NPSR1: variants seen among roughly 807,000 people sequenced by gnomAD.
NPSR1 encodes neuropeptide S receptor.
NPSR1 carries 48 observed loss-of-function variants against 46.9 expected under a neutral mutation model. That is an observed-to-expected ratio of 1.02 (90% CI 0.81 to 1.30). The LOEUF is 1.30. NPSR1 is among the 50% of genes most tolerant of loss of function. The pLI is 0.00. For missense variants in NPSR1, 450 were observed against 449.5 expected (o/e 1.00, Z -0.01); for synonymous variants, 176 against 168.1 (o/e 1.05, Z -0.36).
intron 8 of NPSR1, among the ~76,000 whole-genome samples, chr7:34,873,898 C>G (rs1411217578): frequency 6.6e-6 from 1 of 151,650 alleles, no homozygotes. Context: ...GGCTCCTCAT[C>G]ATTCAACCTC....
chr7:34,663,093 G>GTATGTGT (rs1554301952), intron 1 of NPSR1, among the ~76,000 whole-genome samples: 1 of 112,324 alleles, frequency 8.9e-6, no homozygotes. Context: ...ATGTGTGTGT[G>GTATGTGT]GCGGGGGGGA....
chr7:34,831,866 A>T (rs1665286835), intron 5 of NPSR1, among the ~76,000 whole-genome samples: 1 of 152,230 alleles, frequency 6.6e-6, no homozygotes, highest in Non-Finnish European at 1.5e-5. Flanking sequence ...AAAAGTGGAA[A>T]AAGCACATTA....
At chr7:34,714,793 G>A (rs538290871) in intron 2 of NPSR1, among the ~76,000 whole-genome samples, 3 of 152,306 alleles carry the variant, frequency 2.0e-5, no homozygotes, top group African/African-American at 7.2e-5. Flanking sequence ...CCAGACTTAA[G>A]CTGTGCATTG....
downstream of NPSR1, among the ~76,000 whole-genome samples, chr7:34,853,678 C>A (rs183422342): frequency 8.8e-4 from 134 of 152,190 alleles, no homozygotes; most frequent in African/African-American, 3.1e-3. Flanking sequence ...TATTTTTACA[C>A]GGCCGGGCAT....
chr7:34,873,188 T>A (rs1314001540), intron 8 of NPSR1, among the ~76,000 whole-genome samples: 2 of 151,792 alleles, frequency 1.3e-5, no homozygotes, highest in Admixed American at 1.3e-4. Flanking sequence ...GACTTCAATA[T>A]CTCTATCAGC....
intron 2 of NPSR1, among the ~76,000 whole-genome samples, chr7:34,696,259 T>C (rs1338149083): frequency 3.3e-5 from 5 of 151,966 alleles, no homozygotes. Flanking sequence ...GGGAGCTAAA[T>C]ATCCATCCAT....
At chr7:34,739,440 T>C (rs1315675523) in intron 2 of NPSR1, among the ~76,000 whole-genome samples, 2 of 152,250 alleles carry the variant, frequency 1.3e-5, no homozygotes, top group African/African-American at 4.8e-5. Flanking sequence ...TCCTAGTGGC[T>C]GTGAAATGGT....
intron 3 of NPSR1, among the ~76,000 whole-genome samples, chr7:34,805,336 G>T (rs1788641475): frequency 1.3e-5 from 2 of 151,786 alleles, no homozygotes; most frequent in Non-Finnish European, 2.9e-5. Context: ...TCAACAAGTA[G>T]ATTGATGAAA....
At chr7:34,834,536 T>C (rs1790278449) in intron 6 of NPSR1, 76 bp downstream of exon 6, 3 of 1,002,964 alleles carry the variant, frequency 3.0e-6, no homozygotes, top group Non-Finnish European at 4.8e-6. Context: ...AAATGTGAGC[T>C]AGGGACTCCT....
chr7:34,830,404 CA>C (rs1790062604), intron 5 of NPSR1, among the ~76,000 whole-genome samples: 1 of 152,092 alleles, frequency 6.6e-6, no homozygotes, highest in African/African-American at 2.4e-5. Context: ...TCTTTCATTA[CA>C]AATGAGATTG....
chr7:34,768,271 C>CA (rs887510732), intron 2 of NPSR1: 2 of 152,022 alleles, frequency 1.3e-5, no homozygotes, highest in Non-Finnish European at 2.9e-5. Flanking sequence ...CTACATCTAG[C>CA]AAAAATACCT....
At chr7:34,794,084 G>T (rs1014859147) in intron 3 of NPSR1, among the ~76,000 whole-genome samples, 3 of 152,048 alleles carry the variant, frequency 2.0e-5, no homozygotes, top group East Asian at 3.9e-4. Flanking sequence ...GTGAAAGAGG[G>T]TATGGGAGAA....
At chr7:34,782,354 T>G (rs1159666166) in intron 3 of NPSR1, among the ~76,000 whole-genome samples, 1 of 152,126 alleles carries the variant, frequency 6.6e-6, no homozygotes, top group Non-Finnish European at 1.5e-5. Flanking sequence ...AGAGAAATCT[T>G]CTCAGCTCCA....
chr7:34,751,114 A>G lies in NPSR1; in HGVS notation c.281-27348A>G, dbSNP rs529102493. The G allele has an allele frequency of 1.8e-5, 15 of 833,488 alleles. No homozygotes were observed. The East Asian group carries it at 3.4e-4, about 19-fold the overall frequency. The allele number at this position is 833,488 out of a possible 1,614,324, so 51.6% of individuals were successfully genotyped here. The stretch of plus-strand genomic sequence containing the variant: ...TCCTTGAGGATCAGGTGGAGTCATC[A>G]CCAGCCCCACTGTTTTCCACACTGG... On this transcript the variant is annotated intron_variant, in intron 2 of 8. Transcript: ENST00000360581.
rs1788990349 is a variant in NPSR1, at chr7:34,811,621, AAG to A, written c.385-144_385-143del. The A allele has an allele frequency of 1.5e-5, 8 of 546,230 alleles. No individual in the cohort carries two copies. The South Asian group carries it at 2.2e-4, about 15-fold the overall frequency. 33.8% of individuals were successfully genotyped at this position (546,230 alleles called of 1,614,324 possible). ...GTATTTCCCTTTCTCTTGTCCATGT[AAG>A]AGAGTTATTTCCCTTCCTAATCCAA... On this transcript the variant is annotated intron_variant, in intron 3 of 8. Transcript: ENST00000360581.
At chr7:34,850,979 G>C (rs1212697338), downstream of NPSR1, among the ~76,000 whole-genome samples, 1 of 152,192 alleles carries the variant, frequency 6.6e-6, no homozygotes, top group Non-Finnish European at 1.5e-5. Context: ...CATAATCCAA[G>C]TGAAATATGA....
At chr7:34,821,830 G>GAT (rs1789574131) in intron 4 of NPSR1, among the ~76,000 whole-genome samples, 1 of 152,170 alleles carries the variant, frequency 6.6e-6, no homozygotes, top group African/African-American at 2.4e-5. Flanking sequence ...ATTAAGAGAG[G>GAT]CTCAACATAA....
At chr7:34,812,762 A>G (rs2128751235) in intron 4 of NPSR1, among the ~76,000 whole-genome samples, 1 of 152,316 alleles carries the variant, frequency 6.6e-6, no homozygotes, top group South Asian at 2.1e-4. Context: ...CCTCCAGATA[A>G]CTTCGAAAAC....
intron 3 of NPSR1, among the ~76,000 whole-genome samples, chr7:34,805,514 C>T (rs1584062250): frequency 1.4e-5 from 2 of 146,574 alleles, no homozygotes; most frequent in Non-Finnish European, 3.0e-5. Context: ...TAATGTAGAC[C>T]TTATGCCTTT....
Sources: gnomAD v4.1 joint callset for allele counts (sites outside exome capture counted in the v4.1 genomes callset) on GRCh38, gnomAD v4.1.1 for gene constraint, MANE v1.5 for transcripts, NCBI Gene and HGNC (gene_info 2026-07-23, HGNC 2026-07-21) for gene names.